FMN1: variants seen among roughly 807,000 people sequenced by gnomAD.
The protein encoded by FMN1 is formin-1.
A neutral mutation model predicts 132.4 loss-of-function variants in FMN1; 110 were observed. The observed-to-expected ratio is 0.83, with a 90% CI of 0.71 to 0.97. The LOEUF (loss-of-function observed/expected upper bound fraction) is 0.97. FMN1 is among the 50% of genes least tolerant of loss of function. The pLI is 0.00. For missense variants in FMN1, 1,792 were observed against 1,705.3 expected (o/e 1.05, Z -0.90); for synonymous variants, 722 against 651.7 (o/e 1.11, Z -1.64).
intron 9 of FMN1, among the ~76,000 whole-genome samples, chr15:32,930,529 G>C (rs2061086328): frequency 6.6e-6 from 1 of 151,686 alleles, no homozygotes; most frequent in South Asian, 2.1e-4. Context: ...ATACATATTG[G>C]CCATTTGTAT....
intron 17 of FMN1, among the ~76,000 whole-genome samples, chr15:32,824,025 A>G (rs1471811085): frequency 2.0e-5 from 3 of 152,370 alleles, no homozygotes; most frequent in South Asian, 4.1e-4. Context: ...GTGTGATTAA[A>G]TAAGATTTCA....
At chr15:33,007,627 T>C (rs890932713) in intron 7 of FMN1, among the ~76,000 whole-genome samples, 2 of 152,092 alleles carry the variant, frequency 1.3e-5, no homozygotes, top group Non-Finnish European at 2.9e-5. Context: ...TGCAGGGATG[T>C]GCTAAGAAAC....
At chr15:32,993,601 C>G (rs1198840532) in intron 7 of FMN1, among the ~76,000 whole-genome samples, 1 of 152,106 alleles carries the variant, frequency 6.6e-6, no homozygotes, top group Non-Finnish European at 1.5e-5. Flanking sequence ...TTGTCAGCAC[C>G]TTCTTCCTCC....
chr15:32,793,241 T>C (rs150393979), intron 19 of FMN1, among the ~76,000 whole-genome samples: 121 of 152,264 alleles, frequency 7.9e-4, no homozygotes, highest in African/African-American at 2.8e-3. Context: ...AATTTATTGC[T>C]TGGGGAATAA....
chr15:33,168,399 C>A (rs1276210084), intron 3 of FMN1, among the ~76,000 whole-genome samples: 1 of 152,156 alleles, frequency 6.6e-6, no homozygotes, highest in Non-Finnish European at 1.5e-5. Flanking sequence ...ATTAATCCAT[C>A]TAGAAGCAAG....
At chr15:32,811,377 T>A (rs1451704249) in intron 17 of FMN1, among the ~76,000 whole-genome samples, 2 of 152,112 alleles carry the variant, frequency 1.3e-5, no homozygotes, top group Non-Finnish European at 2.9e-5. Context: ...GTTATGAGGT[T>A]GTATAAAGAC....
intron 6 of FMN1, among the ~76,000 whole-genome samples, chr15:33,051,113 A>C (rs1389825513): frequency 1.3e-5 from 2 of 152,140 alleles, no homozygotes; most frequent in Non-Finnish European, 2.9e-5. Context: ...GGATCGGGGG[A>C]TATAGAGTGA....
chr15:33,079,822 T>A (rs1340314633), intron 5 of FMN1, among the ~76,000 whole-genome samples: 1 of 152,220 alleles, frequency 6.6e-6, no homozygotes, highest in Non-Finnish European at 1.5e-5. Context: ...AGGAAGTAAA[T>A]CAGATTACTT....
intron 17 of FMN1, among the ~76,000 whole-genome samples, chr15:32,815,913 C>T (rs949123387): frequency 6.6e-6 from 1 of 152,214 alleles, no homozygotes; most frequent in Admixed American, 6.5e-5. Flanking sequence ...ACTATTGACA[C>T]TGGGTCAGTT....
intron 18 of FMN1, among the ~76,000 whole-genome samples, chr15:32,799,648 A>C (rs1041592275): frequency 2.6e-5 from 4 of 152,250 alleles, no homozygotes; most frequent in African/African-American, 9.6e-5. Flanking sequence ...AATGATCTCC[A>C]GTCTGGTCAG....
intron 6 of FMN1, chr15:33,063,096 G>A (rs1469311804): frequency 1.3e-5 from 2 of 152,256 alleles, no homozygotes; most frequent in African/African-American, 2.4e-5. Flanking sequence ...GGCCTGCTGG[G>A]CGCCCATGGT....
intron 17 of FMN1, among the ~76,000 whole-genome samples, chr15:32,854,234 C>G (rs1194897767): frequency 6.6e-6 from 1 of 152,122 alleles, no homozygotes; most frequent in Non-Finnish European, 1.5e-5. Context: ...GTGTTTTACC[C>G]TCATAAGACA....
intron 7 of FMN1, among the ~76,000 whole-genome samples, chr15:32,982,575 G>T (rs1384107690): frequency 1.3e-5 from 2 of 152,262 alleles, no homozygotes; most frequent in African/African-American, 2.4e-5. Flanking sequence ...TTCTGGATGT[G>T]TCTGTGAAGG....
chr15:33,170,570 C>A (rs1477765165), intron 3 of FMN1, among the ~76,000 whole-genome samples: 2 of 142,360 alleles, frequency 1.4e-5, no homozygotes, highest in East Asian at 2.0e-4. Flanking sequence ...AAAAAAAAAA[C>A]CCGTTGAAAA....
chr15:33,036,031 C>G (rs2036177233), intron 6 of FMN1, among the ~76,000 whole-genome samples: 1 of 152,216 alleles, frequency 6.6e-6, no homozygotes, highest in South Asian at 2.1e-4. Context: ...GACTCCTCAG[C>G]AAGAAGGCTC....
chr15:32,831,367 G>A (rs544655885), intron 17 of FMN1, among the ~76,000 whole-genome samples: 1 of 152,116 alleles, frequency 6.6e-6, no homozygotes, highest in East Asian at 1.9e-4. Flanking sequence ...ACAGGCACCT[G>A]GCTAATACCG....
chr15:32,954,732 A>AC (rs1367015107), intron 9 of FMN1, among the ~76,000 whole-genome samples: 1 of 152,146 alleles, frequency 6.6e-6, no homozygotes, highest in Non-Finnish European at 1.5e-5. Flanking sequence ...AAGGCTGGGC[A>AC]CGGAGGCTCA....
chr15:32,887,975 C>A (rs2059934531), intron 16 of FMN1, among the ~76,000 whole-genome samples, 197 bp downstream of exon 16: 1 of 151,414 alleles, frequency 6.6e-6, no homozygotes. Context: ...ATGATCAACA[C>A]TAATAAAAGA....
intron 3 of FMN1, among the ~76,000 whole-genome samples, chr15:33,162,875 G>A (rs758872518): frequency 3.3e-5 from 5 of 152,170 alleles, no homozygotes; most frequent in Admixed American, 1.3e-4. Context: ...CCAGCACTTT[G>A]GGAGGCCAAG....
Sources: gnomAD v4.1 joint callset for allele counts (sites outside exome capture counted in the v4.1 genomes callset) on GRCh38, gnomAD v4.1.1 for gene constraint, MANE v1.5 for transcripts, NCBI Gene and HGNC (gene_info 2026-07-23, HGNC 2026-07-21) for gene names.